The following LRP1B variants were observed in gnomAD, a reference collection of about 807,000 sequenced individuals.
The protein encoded by LRP1B is LDL receptor related protein 1B, also known as low-density lipoprotein receptor-related protein 1B.
A neutral mutation model predicts 556.6 loss-of-function variants in LRP1B; 217 were observed. The ratio of observed to expected loss-of-function variants is 0.39; its 90% CI spans 0.35 to 0.44. The LOEUF (loss-of-function observed/expected upper bound fraction) is 0.44. Among genes scored for constraint, LRP1B ranks in the 20% least tolerant of loss-of-function variants. LRP1B has a pLI of 1.00. For missense variants in LRP1B, 5,053 were observed against 5,620.8 expected (o/e 0.90, Z 3.23); for synonymous variants, 2,047 against 1,865.8 (o/e 1.10, Z -2.50).
intron 6 of LRP1B, among the ~76,000 whole-genome samples, chr2:141,193,814 T>G (rs1681630223): frequency 6.6e-6 from 1 of 152,032 alleles, no homozygotes; most frequent in African/African-American, 2.4e-5. Flanking sequence ...TTGTTTGTCT[T>G]TTTTATGTCA....
chr2:140,524,040 A>G (rs1690310950), intron 49 of LRP1B, among the ~76,000 whole-genome samples: 1 of 151,952 alleles, frequency 6.6e-6, no homozygotes, highest in Non-Finnish European at 1.5e-5. Context: ...GTAAACAGGT[A>G]CCCTGGGAGA....
chr2:141,018,985 T>G (rs965106999), intron 12 of LRP1B, among the ~76,000 whole-genome samples: 1 of 152,128 alleles, frequency 6.6e-6, no homozygotes, highest in East Asian at 1.9e-4. Flanking sequence ...TGCAGTAAAG[T>G]GTAAAGAAAA....
chr2:141,626,778 A>G (rs1213111883), intron 2 of LRP1B, among the ~76,000 whole-genome samples: 1 of 152,196 alleles, frequency 6.6e-6, no homozygotes, highest in African/African-American at 2.4e-5. Context: ...GAATGACCAA[A>G]ATCCAGAAGA....
chr2:140,618,581 G>A (rs1401532418), intron 41 of LRP1B, among the ~76,000 whole-genome samples: 1 of 152,030 alleles, frequency 6.6e-6, no homozygotes, highest in African/African-American at 2.4e-5. Flanking sequence ...TGCCATGCCA[G>A]AACAAGTTAG....
chr2:141,877,771 A>G (rs556856114), intron 1 of LRP1B, among the ~76,000 whole-genome samples: 13 of 152,124 alleles, frequency 8.5e-5, no homozygotes, highest in African/African-American at 3.1e-4. Flanking sequence ...ATATCTAAGC[A>G]AAGTGGTATT....
intron 7 of LRP1B, among the ~76,000 whole-genome samples, chr2:141,086,695 A>T (rs927438171): frequency 6.6e-6 from 1 of 151,550 alleles, no homozygotes. Context: ...ACAAAGAAAA[A>T]GTCTGCACAA....
At chr2:141,356,579 G>GT (rs930032290) in intron 3 of LRP1B, among the ~76,000 whole-genome samples, 1 of 129,528 alleles carries the variant, frequency 7.7e-6, no homozygotes, top group Non-Finnish European at 1.9e-5. Context: ...ATGATAAGAG[G>GT]TAACATGTAT....
At chr2:141,800,326 A>G (rs1357278221) in intron 2 of LRP1B, among the ~76,000 whole-genome samples, 2 of 152,208 alleles carry the variant, frequency 1.3e-5, no homozygotes, top group Admixed American at 6.5e-5. Context: ...TGCAGTGTTC[A>G]CTGGTAGCTC....
chr2:140,869,499 C>T (rs1422628926), intron 25 of LRP1B, among the ~76,000 whole-genome samples: 1 of 152,106 alleles, frequency 6.6e-6, no homozygotes, highest in Admixed American at 6.6e-5. Flanking sequence ...AACAGATATA[C>T]TGTCTAATCA....
chr2:141,797,910 CG>C lies in LRP1B; in HGVS notation c.205+12368del, dbSNP rs774548739. Among the ~76,000 whole-genome samples the C allele has an allele frequency of 9.2e-5, 14 of 151,980 alleles. No individual in the cohort carries two copies. The East Asian group carries it at 9.6e-4, about 10-fold the overall frequency. On this transcript the variant is annotated intron_variant, in intron 2 of 90. Coordinates refer to ENST00000389484, the MANE Select transcript of LRP1B (RefSeq NM_018557.3). ...TCAATATCATAATAAACAAGAGAAACGGGAAAATATTCTGGATTAAAGAAGA... is the reference window on the plus strand; with the variant it reads ...TCAATATCATAATAAACAAGAGAAACGGAAAATATTCTGGATTAAAGAAGA...
rs149658599 is a variant in LRP1B at position 141,988,717 on chromosome 2, T to C, written c.82+141931A>G. On this transcript the variant is annotated intron_variant, in intron 1 of 90. Transcript: ENST00000389484. Reference sequence around the variant, plus strand: ...TGCAGTGGTGCTCCTTAGTTGATGCTGCATGGTTAAAACAGCTCAGTTTTC... The same window carrying C: ...TGCAGTGGTGCTCCTTAGTTGATGCCGCATGGTTAAAACAGCTCAGTTTTC... Among the ~76,000 whole-genome samples the C allele has an allele frequency of 3.2e-3, 490 of 152,144 alleles. 2 individuals carry two copies. The highest frequency in any genetic ancestry group is 0.011 in the African/African-American group (477 of 41,566).
chr2:140,909,285 G>A (rs1170515240), intron 21 of LRP1B, among the ~76,000 whole-genome samples: 1 of 151,924 alleles, frequency 6.6e-6, no homozygotes, highest in Admixed American at 6.6e-5. Context: ...AATAAGTGGG[G>A]CAAATACAAG....
intron 41 of LRP1B, among the ~76,000 whole-genome samples, chr2:140,675,265 T>C (rs1004448507): frequency 6.6e-6 from 1 of 152,216 alleles, no homozygotes; most frequent in Non-Finnish European, 1.5e-5. Context: ...ATTGAAGAAC[T>C]GACTAAAGCC....
chr2:141,456,454 T>C (rs1681631980), intron 3 of LRP1B, among the ~76,000 whole-genome samples: 1 of 152,220 alleles, frequency 6.6e-6, no homozygotes, highest in African/African-American at 2.4e-5. Flanking sequence ...TACTTTGTTA[T>C]TTTTTGTTTC....
chr2:141,077,531 C>A (rs778438216), intron 7 of LRP1B, among the ~76,000 whole-genome samples: 1 of 152,146 alleles, frequency 6.6e-6, no homozygotes, highest in Non-Finnish European at 1.5e-5. Context: ...AAACACTAAT[C>A]TAGGTGCTGT....
intron 43 of LRP1B, among the ~76,000 whole-genome samples, chr2:140,583,621 T>C (rs1681868751): frequency 6.6e-6 from 1 of 152,128 alleles, no homozygotes; most frequent in Admixed American, 6.5e-5. Context: ...TTACTGACTT[T>C]AGTTTTAAAT....
chr2:141,441,819 C>A (rs1347484756), intron 3 of LRP1B, among the ~76,000 whole-genome samples: 1 of 152,166 alleles, frequency 6.6e-6, no homozygotes, highest in East Asian at 1.9e-4. Context: ...GCAAGTTGAA[C>A]TGAGACTTCT....
chr2:141,864,741 G>A (rs1371617606), intron 1 of LRP1B, among the ~76,000 whole-genome samples: 1 of 152,032 alleles, frequency 6.6e-6, no homozygotes, highest in African/African-American at 2.4e-5. Flanking sequence ...AAATATCTGG[G>A]CGTGGTGGCA....
At chr2:140,748,442 T>A (rs200044474) in intron 35 of LRP1B, among the ~76,000 whole-genome samples, 260 of 109,918 alleles carry the variant, frequency 2.4e-3, no homozygotes, top group South Asian at 5.2e-3. Context: ...TATATATATA[T>A]TATATATATA....
Sources: gnomAD v4.1 joint callset for allele counts (sites outside exome capture counted in the v4.1 genomes callset) on GRCh38, gnomAD v4.1.1 for gene constraint, MANE v1.5 for transcripts, NCBI Gene and HGNC (gene_info 2026-07-23, HGNC 2026-07-21) for gene names.